Variants in SORCS2 observed in about 807,000 individuals in gnomAD.
SORCS2 encodes VPS10 domain-containing receptor SorCS2.
Under a neutral mutation model 141.6 loss-of-function variants are expected in SORCS2, and 100 were observed. That is an observed-to-expected ratio of 0.71 (90% confidence interval 0.60 to 0.83). The LOEUF is 0.83. Among genes scored for constraint, SORCS2 ranks in the 40% least tolerant of loss-of-function variants. The probability of loss-of-function intolerance (pLI) is 0.00; values close to 1 mark genes in which losing one functional copy is unlikely to be tolerated. For synonymous variants in SORCS2, 789 were observed against 676.9 expected (o/e 1.17, Z -2.57); for missense variants, 1,646 against 1,560.2 (o/e 1.05, Z -0.93).
Position 7,593,637 on chromosome 4 carries a change from G to A in SORCS2, c.649-44691G>A, listed in dbSNP as rs527363025. On this transcript the variant is annotated intron_variant, in intron 3 of 26. Transcript: ENST00000507866. ...TGCTGCTGCTGCTCAGAGCCCAGCC[G>A]AAACCTGGCCAACCTGGGGGCGGGG... 3.7e-3 allele frequency among the ~76,000 whole-genome samples: 557 copies of A among 152,114 alleles called. 2 individuals are homozygous for A. Among genetic ancestry groups the A allele is most frequent in the Non-Finnish European group, 6.2e-3 (419 of 67,958 alleles).
At chr4:7,533,229 T>C (rs76887310) in intron 3 of SORCS2, among the ~76,000 whole-genome samples, 1,987 of 152,292 alleles carry the variant, frequency 0.013, 47 homozygotes, top group African/African-American at 0.045. Context: ...TTGTCCAGGC[T>C]TGGCAGCAGT....
At chr4:7,234,240 G>A (rs1240693515) in intron 1 of SORCS2, among the ~76,000 whole-genome samples, 1 of 152,238 alleles carries the variant, frequency 6.6e-6, no homozygotes, top group Non-Finnish European at 1.5e-5. Context: ...GCTGCCTGGG[G>A]CCGAGAATAG....
chr4:7,589,079 C>A (rs1297370342), intron 3 of SORCS2, among the ~76,000 whole-genome samples: 1 of 152,142 alleles, frequency 6.6e-6, no homozygotes, highest in Non-Finnish European at 1.5e-5. Context: ...CCCTGGTGCA[C>A]AGGAGGTGTG....
chr4:7,361,834 T>G (rs554279329), intron 1 of SORCS2, among the ~76,000 whole-genome samples: 1 of 142,848 alleles, frequency 7.0e-6, no homozygotes, highest in Non-Finnish European at 1.5e-5. Flanking sequence ...GCCTCCAGGG[T>G]CTCCAGGTGC....
chr4:7,539,722 C>G (rs1712429227), intron 3 of SORCS2, among the ~76,000 whole-genome samples: 1 of 151,800 alleles, frequency 6.6e-6, no homozygotes, highest in African/African-American at 2.4e-5. Flanking sequence ...TGTGGAGGCC[C>G]CGCCCCTTCC....
chr4:7,557,321 G>A (rs1030717107), intron 3 of SORCS2, among the ~76,000 whole-genome samples: 7 of 152,122 alleles, frequency 4.6e-5, no homozygotes, highest in Admixed American at 6.5e-5. Flanking sequence ...TGGGGAGAGT[G>A]GCAAATGGTT....
At chr4:7,385,706 G>A (rs996612563) in intron 1 of SORCS2, among the ~76,000 whole-genome samples, 1 of 152,210 alleles carries the variant, frequency 6.6e-6, no homozygotes, top group Non-Finnish European at 1.5e-5. Flanking sequence ...CCCATGTGGT[G>A]AGGGACAGAC....
chr4:7,367,325 G>A (rs1424273410), intron 1 of SORCS2, among the ~76,000 whole-genome samples: 2 of 152,354 alleles, frequency 1.3e-5, no homozygotes, highest in East Asian at 3.9e-4. Context: ...ACAGAGTGGG[G>A]AAGCACAGGC....
chr4:7,544,522 G>A (rs1299697477), intron 3 of SORCS2, among the ~76,000 whole-genome samples: 1 of 152,232 alleles, frequency 6.6e-6, no homozygotes, highest in Non-Finnish European at 1.5e-5. Context: ...GCGGCCAGCA[G>A]GAAGAAGAGC....
intron 2 of SORCS2, among the ~76,000 whole-genome samples, chr4:7,494,298 G>C (rs78623810): frequency 6.6e-6 from 1 of 152,168 alleles, no homozygotes; most frequent in African/African-American, 2.4e-5. Context: ...GTTTTATATC[G>C]GTGTGGTTTC....
intron 2 of SORCS2, among the ~76,000 whole-genome samples, chr4:7,404,021 A>G (rs60976994): frequency 0.063 from 7,270 of 115,098 alleles, 415 homozygotes; most frequent in East Asian, 0.2. Context: ...TTTAGTATCC[A>G]TTTATGAGTG....
intron 12 of SORCS2, among the ~76,000 whole-genome samples, chr4:7,697,952 G>A (rs976049130): frequency 6.6e-6 from 1 of 152,194 alleles, no homozygotes; most frequent in Non-Finnish European, 1.5e-5. Flanking sequence ...CCCACGTGGA[G>A]CTCAGATTCG....
intron 3 of SORCS2, among the ~76,000 whole-genome samples, chr4:7,600,358 A>T (rs1717576746): frequency 1.3e-5 from 2 of 152,124 alleles, no homozygotes; most frequent in African/African-American, 4.8e-5. Flanking sequence ...CACAGCGTGG[A>T]GGCTTCCCTC....
chr4:7,279,828 C>G (rs1715751932), intron 1 of SORCS2, among the ~76,000 whole-genome samples: 1 of 152,116 alleles, frequency 6.6e-6, no homozygotes, highest in Non-Finnish European at 1.5e-5. Context: ...TAAATTTGGG[C>G]AAAATATCTA....
At position 7,192,620 on chromosome 4, in the gene SORCS2, C is replaced by T; in HGVS notation, c.-27C>T. 1.0e-6 allele frequency: 1 copy of T among 987,552 alleles called. No homozygotes were observed. The allele number at this position is 987,552 out of a possible 1,614,324, so 61.2% of individuals were successfully genotyped here. A position where few individuals can be genotyped will look rare whatever the true frequency, so the allele number is the denominator to read the frequency against. ...TCCCCTCGTCCGCGCCGCCCCGCCG[C>T]CGGCTCCGCTGCCGCCCCTGGCGAC... On this transcript the variant is annotated 5_prime_UTR_variant, in exon 1 of 27. Coordinates refer to ENST00000507866, the MANE Select transcript of SORCS2 (RefSeq NM_020777.3). The surrounding 1 kb of genome is among the most constrained non-coding windows in gnomAD (Gnocchi z 4.0).
rs114038380 is a variant in SORCS2, at chr4:7,585,145, T to C, written c.649-53183T>C. On this transcript the variant is annotated intron_variant, in intron 3 of 26. Coordinates refer to ENST00000507866, the MANE Select transcript of SORCS2 (RefSeq NM_020777.3). ...GACAAGCATATAAAACTGAAGAATA[T>C]AATTTCCTCTCTGGGACTTATTTTC... Among the ~76,000 whole-genome samples the C allele has an allele frequency of 3.2e-3, 490 of 152,260 alleles. 3 individuals carry two copies. Among genetic ancestry groups the C allele is most frequent in the African/African-American group, 0.011 (470 of 41,550 alleles).
rs557237997 is a variant in SORCS2 at position 7,602,906 on chromosome 4, C to T, written c.649-35422C>T. On this transcript the variant is annotated intron_variant, in intron 3 of 26. Coordinates refer to ENST00000507866, the MANE Select transcript of SORCS2 (RefSeq NM_020777.3). ...GTGAGCGAGACTCCGTCTGCAATCC[C>T]GGCACCTCGGGAGGCCGAAGCTGGC... is the stretch of plus-strand genomic sequence containing the variant. Among the ~76,000 whole-genome samples the T allele has an allele frequency of 2.9e-3, 439 of 152,328 alleles. 2 individuals are homozygous for T. The highest frequency in any genetic ancestry group is 6.2e-3 in the South Asian group (30 of 4,826).
intron 1 of SORCS2, among the ~76,000 whole-genome samples, chr4:7,247,727 C>T (rs1428845537): frequency 2.0e-5 from 3 of 152,120 alleles, no homozygotes; most frequent in African/African-American, 4.8e-5. Context: ...GCGACCCTGG[C>T]GAGGGGCCTG....
intron 10 of SORCS2, among the ~76,000 whole-genome samples, chr4:7,687,159 G>A (rs1180249941): frequency 2.0e-5 from 3 of 152,210 alleles, no homozygotes; most frequent in Admixed American, 1.3e-4. Context: ...AGGAAACCTA[G>A]AACAGCAAAG....
Sources: allele counts gnomAD v4.1 joint callset (sites outside exome capture counted in the v4.1 genomes callset), GRCh38; gene constraint gnomAD v4.1.1; non-coding constraint Gnocchi (gnomAD v3.1); transcripts MANE v1.5; gene names NCBI Gene and HGNC (gene_info 2026-07-23, HGNC 2026-07-21).